RABGEF1: variants seen among roughly 807,000 people sequenced by gnomAD.
RABGEF1 encodes the protein RAB guanine nucleotide exchange factor 1, also known as rab5 GDP/GTP exchange factor.
RABGEF1 carries 26 observed loss-of-function variants against 57.3 expected under a neutral mutation model. That is an observed-to-expected ratio of 0.45 (90% CI 0.33 to 0.63). RABGEF1 has a LOEUF of 0.63. RABGEF1 is among the 20% of genes least tolerant of loss of function. The probability of loss-of-function intolerance (pLI) is 0.02; values close to 1 mark genes in which losing one functional copy is unlikely to be tolerated. For missense variants in RABGEF1, 464 were observed against 607.6 expected, an observed-to-expected ratio of 0.76 and a Z score of 2.48; for synonymous variants, 185 against 210.7, an observed-to-expected ratio of 0.88 and a Z score of 1.06.
chr7:66,747,250 C>A (rs1800474345), intron 1 of RABGEF1, among the ~76,000 whole-genome samples: 3 of 152,182 alleles, frequency 2.0e-5, no homozygotes, highest in Non-Finnish European at 4.4e-5. Context: ...ATATTACACA[C>A]TGAGAGAGTA....
chr7:66,722,152 G>C (rs1796121447), intron 2 of RABGEF1, among the ~76,000 whole-genome samples: 1 of 151,786 alleles, frequency 6.6e-6, no homozygotes, highest in Non-Finnish European at 1.5e-5. Flanking sequence ...ATAGGACCCT[G>C]TCTCAGGGGC....
intron 1 of RABGEF1, among the ~76,000 whole-genome samples, chr7:66,692,078 CAAATAAAT>C (rs149234866): frequency 1.6e-5 from 2 of 128,548 alleles, no homozygotes; most frequent in Non-Finnish European, 3.7e-5. Context: ...AACAAACAAA[CAAATAAAT>C]AAATAAATAA....
intron 2 of RABGEF1, among the ~76,000 whole-genome samples, chr7:66,719,418 T>C (rs1448134114): frequency 6.6e-6 from 1 of 152,170 alleles, no homozygotes; most frequent in Non-Finnish European, 1.5e-5. Context: ...TTGCCTAGGC[T>C]AGTTTCAAAC....
chr7:66,723,167 C>T (rs1796234670), intron 2 of RABGEF1, among the ~76,000 whole-genome samples: 1 of 152,072 alleles, frequency 6.6e-6, no homozygotes, highest in African/African-American at 2.4e-5. Flanking sequence ...CGGGGTTTCA[C>T]CATGTTGGCC....
intron 1 of RABGEF1, among the ~76,000 whole-genome samples, chr7:66,755,643 T>C (rs1802528485): frequency 6.6e-6 from 1 of 152,198 alleles, no homozygotes; most frequent in South Asian, 2.1e-4. Flanking sequence ...GGCGAGGGCA[T>C]AGAGAATGGT....
At chr7:66,664,596 C>T in the RABGEF1 span, among the ~76,000 whole-genome samples, 8 of 151,924 alleles carry the variant, frequency 5.3e-5, no homozygotes, top group Admixed American at 4.6e-4. Flanking sequence ...AGAACGAGAC[C>T]GTGTCTCTTA....
intron 2 of RABGEF1, among the ~76,000 whole-genome samples, chr7:66,732,730 TCTCTCTTGCTGTCTCTCTCG>T (rs1381865269): frequency 3.9e-5 from 6 of 152,036 alleles, no homozygotes; most frequent in East Asian, 1.9e-4. Flanking sequence ...TCTCGCTCTC[TCTCTCTTGCTGTCTCTCTCG>T]CTCTCTTGCT....
At chr7:66,687,883 C>T (rs1205412423) in intron 1 of RABGEF1, among the ~76,000 whole-genome samples, 1 of 151,910 alleles carries the variant, frequency 6.6e-6, no homozygotes, top group Non-Finnish European at 1.5e-5. Flanking sequence ...GTCGGGAGTT[C>T]AAGACCAGCC....
intron 2 of RABGEF1, chr7:66,773,951 C>T (rs1417210385): frequency 2.6e-6 from 1 of 385,550 alleles, no homozygotes; most frequent in East Asian, 7.5e-5. Context: ...CAGGCGTGAG[C>T]CACTGCACCT....
At chr7:66,797,012 AC>A (rs1283121135) in intron 5 of RABGEF1, 6 of 374,436 alleles carry the variant, frequency 1.6e-5, no homozygotes, top group Admixed American at 1.4e-4. Context: ...ATGAAAATAT[AC>A]TCTTGGCCGG....
At chr7:66,659,313 A>T in the RABGEF1 span, among the ~76,000 whole-genome samples, 7 of 151,802 alleles carry the variant, frequency 4.6e-5, no homozygotes, top group Non-Finnish European at 8.8e-5. Context: ...TTAGCTAGGC[A>T]TGGTGGTGGG....
At chr7:66,721,770 C>T (rs1248920989) in intron 2 of RABGEF1, among the ~76,000 whole-genome samples, 1 of 152,038 alleles carries the variant, frequency 6.6e-6, no homozygotes, top group Non-Finnish European at 1.5e-5. Context: ...CAGTTTGAGA[C>T]CAGCTTGGCC....
In RABGEF1 at chr7:66,702,442, C is replaced by A. The variant is rs113303257; in HGVS notation, c.-872-9725C>A. Among the ~76,000 whole-genome samples the A allele has an allele frequency of 5.9e-4, 89 of 149,766 alleles. 1 individual carries two copies. Among genetic ancestry groups the A allele is most frequent in the African/African-American group, 2.1e-3 (84 of 40,822 alleles). On this transcript the variant is annotated intron_variant and NMD_transcript_variant, in intron 1 of 9. Coordinates refer to the RABGEF1 transcript ENST00000607882. ...GTATTTTGAATAGTACCTCTGTGAA[C>A]CTTCATCTACAAGTTTTTGTGTGAA...
chr7:66,793,792 C>G (rs1217221643), intron 4 of RABGEF1, among the ~76,000 whole-genome samples: 4 of 152,148 alleles, frequency 2.6e-5, no homozygotes, highest in Non-Finnish European at 4.4e-5. Flanking sequence ...CTGCTCCTGA[C>G]CCCAAGTGTC....
intron 1 of RABGEF1, among the ~76,000 whole-genome samples, chr7:66,693,336 C>G (rs779878571): frequency 9.2e-5 from 14 of 152,206 alleles, no homozygotes; most frequent in Non-Finnish European, 5.9e-5. Context: ...CCCTTTATTG[C>G]AAACACGTTG....
At chr7:66,674,694 TACAAAAGAGA>T in the RABGEF1 span, among the ~76,000 whole-genome samples, 3 of 152,118 alleles carry the variant, frequency 2.0e-5, no homozygotes, top group Non-Finnish European at 4.4e-5. Flanking sequence ...AGAAGCCAAG[TACAAAAGAGA>T]ACATACTATA....
At chr7:66,702,823 G>C (rs530979565) in intron 1 of RABGEF1, among the ~76,000 whole-genome samples, 89 of 152,006 alleles carry the variant, frequency 5.9e-4, no homozygotes, top group African/African-American at 2.1e-3. Context: ...TCATTGGGTT[G>C]TTTGTCTTTT....
At chr7:66,799,544 T>TAAA in intron 7 of RABGEF1, 130 bp downstream of exon 7, 1 of 721,442 alleles carries the variant, frequency 1.4e-6, no homozygotes, top group Non-Finnish European at 2.2e-6. Flanking sequence ...AAAAGTGATT[T>TAAA]GTAAGATTGT....
intron 1 of RABGEF1, among the ~76,000 whole-genome samples, chr7:66,683,410 A>T (rs1790088496): frequency 6.6e-6 from 1 of 152,230 alleles, no homozygotes; most frequent in Non-Finnish European, 1.5e-5. Context: ...TCATATCCTC[A>T]AGATTAAGAA....
Sources: gnomAD v4.1 joint callset for allele counts (sites outside exome capture counted in the v4.1 genomes callset) on GRCh38, gnomAD v4.1.1 for gene constraint, MANE v1.5 for transcripts, NCBI Gene and HGNC (gene_info 2026-07-23, HGNC 2026-07-21) for gene names.